Variants in WDR25 observed in about 807,000 individuals in gnomAD.
The protein encoded by WDR25 is WD repeat domain 25, also known as WD repeat-containing protein 25.
A neutral mutation model predicts 47.7 loss-of-function variants in WDR25; 35 were observed. The ratio of observed to expected loss-of-function variants is 0.73; its 90% confidence interval spans 0.56 to 0.97. WDR25 has a LOEUF of 0.97. Ranked by LOEUF, WDR25 falls within the 50% of genes least tolerant of loss-of-function variation. The probability of loss-of-function intolerance (pLI) is 0.00; values close to 1 mark genes in which losing one functional copy is unlikely to be tolerated. For missense variants in WDR25, 634 were observed against 704.7 expected, an observed-to-expected ratio of 0.90 and a Z score of 1.14; for synonymous variants, 248 against 278.9, an observed-to-expected ratio of 0.89 and a Z score of 1.10.
intron 2 of WDR25, among the ~76,000 whole-genome samples, chr14:100,406,367 G>A (rs1055956490): frequency 1.3e-5 from 2 of 152,226 alleles, no homozygotes; most frequent in Non-Finnish European, 2.9e-5. Context: ...GCTGTTACTC[G>A]AGCATTTGCT....
chr14:100,398,972 C>T (rs929565463), intron 2 of WDR25, among the ~76,000 whole-genome samples: 2 of 151,334 alleles, frequency 1.3e-5, no homozygotes, highest in African/African-American at 4.9e-5. Context: ...ACAAGACAAG[C>T]AGAAGATTTG....
intron 2 of WDR25, among the ~76,000 whole-genome samples, chr14:100,423,498 G>T (rs1898083570): frequency 6.6e-6 from 1 of 152,134 alleles, no homozygotes; most frequent in African/African-American, 2.4e-5. Flanking sequence ...CTGGCATTGG[G>T]GAGTGTTTAG....
rs920247747 is a variant in WDR25, at chr14:100,440,777, C to T, written c.823-27244C>T. 1.3e-4 allele frequency among the ~76,000 whole-genome samples: 20 copies of T among 152,276 alleles called. No homozygotes were observed. Among genetic ancestry groups the T allele is most frequent in the African/African-American group, 4.1e-4 (17 of 41,532 alleles). ...TCTGATTATTTACGAAGGGACAGGC[C>T]GGGGGAGGTAACCACCTCGATAAAT... On this transcript the variant is annotated intron_variant, in intron 2 of 6. Transcript: ENST00000402312. This position sits in a 1 kb window ranked among gnomAD's most constrained non-coding sequence, Gnocchi z 4.4.
intron 3 of WDR25, among the ~76,000 whole-genome samples, chr14:100,483,157 C>T (rs1160371702): frequency 6.6e-6 from 1 of 152,178 alleles, no homozygotes; most frequent in East Asian, 1.9e-4. Context: ...ATGGGGGCTG[C>T]ACTGGGCAGT....
chr14:100,395,164 C>T (rs1897230288), intron 2 of WDR25, among the ~76,000 whole-genome samples: 1 of 152,168 alleles, frequency 6.6e-6, no homozygotes, highest in African/African-American at 2.4e-5. Context: ...GGTCAGGCAC[C>T]ACACAGGGGT....
chr14:100,430,550 CG>C lies in WDR25; in HGVS notation c.823-37469del, dbSNP rs1390572986. ...TGGGTGTTGGATTTAATTAAAATAACGGCTAGTCTTGATGTGCAAAATGGCT... is the reference window on the plus strand; with the variant it reads ...TGGGTGTTGGATTTAATTAAAATAACGCTAGTCTTGATGTGCAAAATGGCT... On this transcript the variant is annotated intron_variant, in intron 2 of 6. Transcript: ENST00000402312. This position sits in a 1 kb window ranked among gnomAD's most constrained non-coding sequence, Gnocchi z 4.7. 6.6e-6 allele frequency among the ~76,000 whole-genome samples: 1 copy of C among 152,180 alleles called. No homozygotes were observed. The highest frequency in any genetic ancestry group is 1.5e-5 in the Non-Finnish European group (1 of 68,040).
chr14:100,517,898 T>G (rs1290578857), intron 4 of WDR25, among the ~76,000 whole-genome samples: 1 of 152,142 alleles, frequency 6.6e-6, no homozygotes, highest in African/African-American at 2.4e-5. Context: ...CAGATAAGCC[T>G]TTTTACCCCC....
rs1897464976 is a variant in WDR25 at position 100,404,183 on chromosome 14, TGCCGA to T, written c.822+22438_822+22442del. ...ATTGGTCCCCCTGAAACCTCTGAGGTGCCGATGGCATGCCCCAACCTGCGTCCAAG... is the reference window on the plus strand; with the variant it reads ...ATTGGTCCCCCTGAAACCTCTGAGGTTGGCATGCCCCAACCTGCGTCCAAG... On this transcript the variant is annotated intron_variant, in intron 2 of 6. Transcript: ENST00000402312. The surrounding 1 kb of genome is among the most constrained non-coding windows in gnomAD (Gnocchi z 4.6). Among the ~76,000 whole-genome samples, 1 of 152,188 alleles carries T rather than the reference TGCCGA, an allele frequency of 6.6e-6. No individual in the cohort carries two copies. The highest frequency in any genetic ancestry group is 1.5e-5 in the Non-Finnish European group (1 of 68,048).
At position 100,500,346 on chromosome 14, in the gene WDR25, G is replaced by A. The variant is rs758425576; in HGVS notation, c.1101+16222G>A. On this transcript the variant is annotated intron_variant, in intron 4 of 6. Transcript: ENST00000402312. The surrounding 1 kb of genome is among the most constrained non-coding windows in gnomAD (Gnocchi z 4.7). ...CAGTGGCCTAGAGGCAGGCCAGCTC[G>A]TCTCTTCTGCTCCTTCTTCCAGGGA... Among the ~76,000 whole-genome samples, 3 of 152,152 alleles carry A rather than the reference G, an allele frequency of 2.0e-5. No homozygotes were observed. The highest frequency in any genetic ancestry group is 6.5e-5 in the Admixed American group (1 of 15,280).
rs1408564079 is a variant in WDR25, at chr14:100,499,786, G to A, written c.1101+15662G>A. 6.6e-6 allele frequency among the ~76,000 whole-genome samples: 1 copy of A among 152,122 alleles called. No individual in the cohort carries two copies. On this transcript the variant is annotated intron_variant, in intron 4 of 6. Transcript: ENST00000402312. The surrounding 1 kb of genome is among the most constrained non-coding windows in gnomAD (Gnocchi z 4.4). ...CCTGGGCTGTGGAATGGGTCCCAGG[G>A]GGTGAAGTTCGCTGTGTTCTGCTTT...
chr14:100,529,399 G>GTACGTGGGGCCTGGGGT lies in WDR25; in HGVS notation c.1413+191_1413+192insTACGTGGGGCCTGGGGT. On this transcript the variant is annotated intron_variant, in intron 6 of 6. Transcript: ENST00000402312. The surrounding 1 kb of genome is among the most constrained non-coding windows in gnomAD (Gnocchi z 5.1). The stretch of plus-strand genomic sequence containing the variant: ...TGAACCACATCTGGTCCTCACCCCA[G>GTACGTGGGGCCTGGGGT]GCCCCACGTACTGGGCAGGAAGCAG... The GTACGTGGGGCCTGGGGT allele has an allele frequency of 1.2e-6, 1 of 840,752 alleles. No homozygotes were observed. The highest frequency in any genetic ancestry group is 1.8e-6 in the Non-Finnish European group (1 of 551,322). 52.1% of individuals were successfully genotyped at this position (840,752 alleles called of 1,614,324 possible). A position where few individuals can be genotyped will look rare whatever the true frequency, so the allele number is the denominator to read the frequency against.
At chr14:100,418,536 C>T (rs1306941057) in intron 2 of WDR25, among the ~76,000 whole-genome samples, 2 of 151,302 alleles carry the variant, frequency 1.3e-5, no homozygotes, top group African/African-American at 4.9e-5. Context: ...TTTTGGGAGG[C>T]TGAGGCAGGA....
intron 2 of WDR25, among the ~76,000 whole-genome samples, chr14:100,450,767 A>C (rs1899002659): frequency 1.3e-5 from 2 of 152,150 alleles, no homozygotes; most frequent in Non-Finnish European, 2.9e-5. Context: ...TGAGAGAGGG[A>C]GTATGTCTTA....
chr14:100,408,165 A>G (rs1200235908), intron 2 of WDR25, among the ~76,000 whole-genome samples: 1 of 151,988 alleles, frequency 6.6e-6, no homozygotes, highest in Non-Finnish European at 1.5e-5. Context: ...GCGGTGTGTA[A>G]AACTGGAGAG....
chr14:100,437,589 G>A (rs1288349353), intron 2 of WDR25, among the ~76,000 whole-genome samples: 1 of 152,092 alleles, frequency 6.6e-6, no homozygotes, highest in African/African-American at 2.4e-5. Flanking sequence ...GTAGGGATTT[G>A]GGATGACATG....
chr14:100,393,777 AG>A (rs1897194853), intron 2 of WDR25, among the ~76,000 whole-genome samples: 1 of 152,194 alleles, frequency 6.6e-6, no homozygotes, highest in South Asian at 2.1e-4. Context: ...GCATTGGGTC[AG>A]CCACTCAGAC....
intron 2 of WDR25, among the ~76,000 whole-genome samples, chr14:100,396,121 C>T (rs1298047441): frequency 1.3e-5 from 2 of 151,906 alleles, no homozygotes; most frequent in Non-Finnish European, 2.9e-5. Context: ...GGACTACAGG[C>T]GCCCACCACC....
chr14:100,516,096 G>C (rs111801194), intron 4 of WDR25, among the ~76,000 whole-genome samples: 1 of 151,846 alleles, frequency 6.6e-6, no homozygotes, highest in Non-Finnish European at 1.5e-5. Context: ...TGGGTATTCA[G>C]TATTTTGTTG....
chr14:100,415,995 A>G (rs1257871317), intron 2 of WDR25, among the ~76,000 whole-genome samples: 1 of 152,106 alleles, frequency 6.6e-6, no homozygotes, highest in African/African-American at 2.4e-5. Flanking sequence ...CTGTCAGTGC[A>G]CTGCCACCTG....
Sources: gnomAD v4.1 joint callset for allele counts (sites outside exome capture counted in the v4.1 genomes callset) on GRCh38, gnomAD v4.1.1 for gene constraint, Gnocchi (gnomAD v3.1) non-coding constraint, MANE v1.5 for transcripts, NCBI Gene and HGNC (gene_info 2026-07-23, HGNC 2026-07-21) for gene names.